FBXL5: variants seen among roughly 807,000 people sequenced by gnomAD.
FBXL5 encodes F-box/LRR-repeat protein 5.
A neutral mutation model predicts 78.3 loss-of-function variants in FBXL5; 26 were observed. That is an observed-to-expected ratio of 0.33 (90% CI 0.24 to 0.46). FBXL5 has a LOEUF of 0.46. Among genes scored for constraint, FBXL5 ranks in the 20% least tolerant of loss-of-function variants. FBXL5 has a pLI of 1.00. For synonymous variants in FBXL5, 295 were observed against 282.5 expected, an observed-to-expected ratio of 1.04 and a Z score of -0.45; for missense variants, 710 against 829.2, an observed-to-expected ratio of 0.86 and a Z score of 1.77.
chr4:15,634,344 A>G (rs1714005272), intron 5 of FBXL5, among the ~76,000 whole-genome samples: 1 of 148,684 alleles, frequency 6.7e-6, no homozygotes, highest in Non-Finnish European at 1.5e-5. Flanking sequence ...ATGTGCCACC[A>G]TGTCTGACTA....
chr4:15,644,950 C>T (rs530164656), intron 1 of FBXL5, among the ~76,000 whole-genome samples: 14 of 152,102 alleles, frequency 9.2e-5, no homozygotes, highest in Non-Finnish European at 2.1e-4. Context: ...ATGATATGTG[C>T]ACAAATCACG....
chr4:15,632,979 G>A (rs2148604959), intron 5 of FBXL5, among the ~76,000 whole-genome samples: 1 of 152,260 alleles, frequency 6.6e-6, no homozygotes, highest in Admixed American at 6.5e-5. Flanking sequence ...TCCTTGTCTT[G>A]TGTCAGTTTT....
chr4:15,620,568 C>T (rs1443748934), intron 9 of FBXL5, among the ~76,000 whole-genome samples: 1 of 152,270 alleles, frequency 6.6e-6, no homozygotes, highest in African/African-American at 2.4e-5. Flanking sequence ...GTTGCCACTT[C>T]TGTTTAACAT....
chr4:15,619,139 G>A (rs1035886522), intron 9 of FBXL5, among the ~76,000 whole-genome samples: 1 of 152,026 alleles, frequency 6.6e-6, no homozygotes, highest in Non-Finnish European at 1.5e-5. Flanking sequence ...TTCCCAACTG[G>A]GTGACAGAGT....
chr4:15,633,862 A>T (rs570643049), intron 5 of FBXL5, among the ~76,000 whole-genome samples: 21 of 152,304 alleles, frequency 1.4e-4, no homozygotes, highest in African/African-American at 5.1e-4. Context: ...TGCCTCCCAA[A>T]GTGCTAGGAG....
chr4:15,635,248 G>A (rs554038885), intron 5 of FBXL5, among the ~76,000 whole-genome samples: 16 of 150,210 alleles, frequency 1.1e-4, no homozygotes, highest in African/African-American at 2.9e-4. Flanking sequence ...CAGGAGAATC[G>A]CTTGAACCTG....
chr4:15,655,748 A>G (rs1716855192), upstream of FBXL5, among the ~76,000 whole-genome samples: 1 of 152,124 alleles, frequency 6.6e-6, no homozygotes, highest in South Asian at 2.1e-4. Context: ...CCACGCCCCG[A>G]CGCCTGCTTG....
At chr4:15,627,846 T>G in intron 7 of FBXL5, 39 bp downstream of exon 7, 1 of 1,572,384 alleles carries the variant, frequency 6.4e-7, no homozygotes, top group South Asian at 1.1e-5. Flanking sequence ...TATCATGCTG[T>G]TTTTCTTAAT....
Position 15,607,688 on chromosome 4 carries a change from GT to G in FBXL5, c.2000-1890del, listed in dbSNP as rs896958140. 2.4e-4 allele frequency among the ~76,000 whole-genome samples: 37 copies of G among 151,986 alleles called. 1 individual carries two copies. The highest frequency in any genetic ancestry group is 8.9e-4 in the African/African-American group (37 of 41,362). ...TTCCTCACCCCTTACACTGCCCACT[GT>G]TTTGTCTACCAATCACCTAGTGCCT... is the stretch of plus-strand genomic sequence containing the variant. On this transcript the variant is annotated intron_variant, in intron 10 of 10. Coordinates refer to ENST00000341285, the MANE Select transcript of FBXL5 (RefSeq NM_012161.4).
In FBXL5 at chr4:15,614,922, G is replaced by A. The variant is rs539227673; in HGVS notation, c.1851-2508C>T. Among the ~76,000 whole-genome samples, 125 of 152,264 alleles carry A rather than the reference G, an allele frequency of 8.2e-4. 1 individual carries two copies. Among genetic ancestry groups the A allele is most frequent in the African/African-American group, 1.5e-3 (63 of 41,554 alleles). On this transcript the variant is annotated intron_variant, in intron 9 of 10. Coordinates refer to ENST00000341285, the MANE Select transcript of FBXL5 (RefSeq NM_012161.4). Reference sequence around the variant, plus strand: ...TGCAGGGAGGTGTAGAGGGACAGGCGCAAGTGGGAACCGGGGCTGCGTGCG... The same window carrying A: ...TGCAGGGAGGTGTAGAGGGACAGGCACAAGTGGGAACCGGGGCTGCGTGCG...
intron 5 of FBXL5, among the ~76,000 whole-genome samples, chr4:15,634,761 G>GTA (rs1714071260): frequency 6.6e-6 from 1 of 152,102 alleles, no homozygotes; most frequent in South Asian, 2.1e-4. Flanking sequence ...GAAAAAAGCA[G>GTA]TATATTTGAG....
intron 7 of FBXL5, 122 bp from the exon 8 acceptor site, chr4:15,627,077 G>A (rs1713134739): frequency 2.4e-6 from 1 of 421,042 alleles, no homozygotes; most frequent in Non-Finnish European, 4.4e-6. Context: ...AAAATCACTT[G>A]AATACTTGAA....
At chr4:15,623,698 T>G (rs56093715) in intron 9 of FBXL5, among the ~76,000 whole-genome samples, 1 of 152,136 alleles carries the variant, frequency 6.6e-6, no homozygotes, top group African/African-American at 2.4e-5. Flanking sequence ...CTATAACATA[T>G]GCCCTTGGAT....
chr4:15,671,383 AT>A (rs989477670), intron 1 of FBXL5, among the ~76,000 whole-genome samples: 7 of 152,182 alleles, frequency 4.6e-5, no homozygotes, highest in African/African-American at 1.7e-4. Context: ...CCCCTAGTCC[AT>A]TTAAGATTTT....
intron 1 of FBXL5, among the ~76,000 whole-genome samples, chr4:15,652,102 T>C (rs1483540351): frequency 6.6e-6 from 1 of 152,146 alleles, no homozygotes; most frequent in Non-Finnish European, 1.5e-5. Flanking sequence ...GAAACTCCAA[T>C]GCTCACTGAC....
intron 10 of FBXL5, among the ~76,000 whole-genome samples, chr4:15,607,168 G>A (rs947637536): frequency 2.6e-5 from 4 of 152,122 alleles, no homozygotes; most frequent in Non-Finnish European, 4.4e-5. Flanking sequence ...GCTTAATGGC[G>A]GAGTAGATAT....
At chr4:15,634,214 T>C (rs1286441480) in intron 5 of FBXL5, among the ~76,000 whole-genome samples, 1 of 152,068 alleles carries the variant, frequency 6.6e-6, no homozygotes, top group African/African-American at 2.4e-5. Flanking sequence ...GACAGAGTCT[T>C]CCCTCTGTCA....
intron 9 of FBXL5, among the ~76,000 whole-genome samples, chr4:15,622,782 C>T (rs999974843): frequency 1.3e-5 from 2 of 152,180 alleles, no homozygotes; most frequent in Non-Finnish European, 2.9e-5. Context: ...GGAATCTGCA[C>T]TCAGACAAGA....
chr4:15,654,782 G>A, intron 1 of FBXL5, among the ~76,000 whole-genome samples: 1 of 152,192 alleles, frequency 6.6e-6, no homozygotes, highest in African/African-American at 2.4e-5. Context: ...ACGGGGGACG[G>A]GAACAACTAC....
Sources: allele counts gnomAD v4.1 joint callset (sites outside exome capture counted in the v4.1 genomes callset), GRCh38; gene constraint gnomAD v4.1.1; transcripts MANE v1.5; gene names NCBI Gene and HGNC (gene_info 2026-07-23, HGNC 2026-07-21).